Variants in ROBO2 observed in about 807,000 individuals in gnomAD.
ROBO2 encodes roundabout guidance receptor 2.
A neutral mutation model predicts 160.8 loss-of-function variants in ROBO2; 53 were observed. The observed-to-expected ratio is 0.33, with a 90% CI of 0.26 to 0.41. The LOEUF is 0.41. ROBO2 is among the 10% of genes least tolerant of loss of function. The probability of loss-of-function intolerance (pLI) is 1.00; values close to 1 mark genes in which losing one functional copy is unlikely to be tolerated. For missense variants in ROBO2, 1,577 were observed against 1,722.4 expected, an observed-to-expected ratio of 0.92 and a Z score of 1.49; for synonymous variants, 664 against 611.7, an observed-to-expected ratio of 1.09 and a Z score of -1.26.
At chr3:76,380,522 T>C (rs1024158490) in intron 2 of ROBO2, among the ~76,000 whole-genome samples, 5 of 152,154 alleles carry the variant, frequency 3.3e-5, no homozygotes, top group African/African-American at 1.2e-4. Context: ...TTCCTCCTTT[T>C]TCACCTCCTC....
intron 2 of ROBO2, among the ~76,000 whole-genome samples, chr3:77,034,718 C>T (rs367950572): frequency 1.3e-5 from 2 of 151,878 alleles, no homozygotes; most frequent in African/African-American, 4.8e-5. Flanking sequence ...TTCCTAAATC[C>T]TTGACAATCT....
At chr3:76,088,645 A>G (rs1462180624) in intron 2 of ROBO2, among the ~76,000 whole-genome samples, 1 of 152,142 alleles carries the variant, frequency 6.6e-6, no homozygotes, top group Non-Finnish European at 1.5e-5. Context: ...ATCTCAAGAG[A>G]AATTAAAAAT....
intron 2 of ROBO2, among the ~76,000 whole-genome samples, chr3:76,951,008 G>A (rs569599081): frequency 1.3e-5 from 2 of 152,298 alleles, no homozygotes; most frequent in Admixed American, 6.5e-5. Flanking sequence ...AATTACAGGC[G>A]TGAGCCCCTG....
intron 2 of ROBO2, among the ~76,000 whole-genome samples, chr3:76,411,527 T>C (rs1333975697): frequency 2.0e-5 from 3 of 152,142 alleles, no homozygotes; most frequent in Non-Finnish European, 4.4e-5. Context: ...CTGAACCTCA[T>C]TAAAGTAAAT....
At chr3:77,589,647 G>A (rs2094135042) in intron 17 of ROBO2, among the ~76,000 whole-genome samples, 1 of 152,062 alleles carries the variant, frequency 6.6e-6, no homozygotes, top group Admixed American at 6.6e-5. Context: ...GTCCTATAAT[G>A]TGGCCTTCAA....
intron 2 of ROBO2, among the ~76,000 whole-genome samples, chr3:76,168,896 A>G (rs1273546540): frequency 6.6e-6 from 1 of 151,764 alleles, no homozygotes; most frequent in Non-Finnish European, 1.5e-5. Flanking sequence ...GCACTGAGAT[A>G]TACAAATGTG....
chr3:76,586,247 T>C (rs2108777175), intron 2 of ROBO2, among the ~76,000 whole-genome samples: 1 of 152,334 alleles, frequency 6.6e-6, no homozygotes, highest in Non-Finnish European at 1.5e-5. Flanking sequence ...TAAATGGTCA[T>C]TGAGAAGTTT....
At chr3:77,164,480 GGA>G (rs1195630956) in intron 2 of ROBO2, among the ~76,000 whole-genome samples, 1 of 139,886 alleles carries the variant, frequency 7.1e-6, no homozygotes, top group African/African-American at 2.6e-5. Context: ...TGTCCGGGAG[GGA>G]GGTGGGGGGG....
At chr3:77,085,305 A>C (rs2069162375) in intron 1 of ROBO2, among the ~76,000 whole-genome samples, 1 of 152,180 alleles carries the variant, frequency 6.6e-6, no homozygotes, top group East Asian at 1.9e-4. Context: ...GCAAAATACA[A>C]CTCCAAAATT....
intron 23 of ROBO2, 79 bp from the exon 25 acceptor site, chr3:77,634,791 C>A: frequency 7.5e-7 from 1 of 1,329,182 alleles, no homozygotes; most frequent in Non-Finnish European, 1.1e-6. Flanking sequence ...ACAGGTTAGT[C>A]ATAGTGCAGA....
At chr3:77,466,839 T>A (rs1040349789) in intron 2 of ROBO2, among the ~76,000 whole-genome samples, 6 of 152,224 alleles carry the variant, frequency 3.9e-5, no homozygotes, top group African/African-American at 1.4e-4. Flanking sequence ...GTAATAATCC[T>A]TAGACTATTG....
At chr3:77,300,224 G>A in intron 2 of ROBO2, among the ~76,000 whole-genome samples, 1 of 146,428 alleles carries the variant, frequency 6.8e-6, no homozygotes, top group African/African-American at 2.5e-5. Flanking sequence ...TCAAACTCTA[G>A]ACTCTGCCTA....
At chr3:76,398,136 T>C (rs1336132618) in intron 2 of ROBO2, among the ~76,000 whole-genome samples, 2 of 152,168 alleles carry the variant, frequency 1.3e-5, no homozygotes, top group East Asian at 3.9e-4. Context: ...CATGGAATAC[T>C]ATGCAGCCAT....
intron 2 of ROBO2, among the ~76,000 whole-genome samples, chr3:76,040,804 A>G (rs2067251926): frequency 6.6e-6 from 1 of 152,040 alleles, no homozygotes; most frequent in Non-Finnish European, 1.5e-5. Context: ...CCTGGCCAAC[A>G]TGGAGAAACC....
At chr3:76,251,007 G>A (rs1395485983) in intron 2 of ROBO2, among the ~76,000 whole-genome samples, 1 of 152,018 alleles carries the variant, frequency 6.6e-6, no homozygotes, top group Non-Finnish European at 1.5e-5. Context: ...ATAACCAGCT[G>A]CAGCCTTGGC....
intron 2 of ROBO2, among the ~76,000 whole-genome samples, chr3:76,062,818 A>G (rs2068113016): frequency 6.6e-6 from 1 of 152,112 alleles, no homozygotes; most frequent in South Asian, 2.1e-4. Context: ...TGCCTTCTAG[A>G]CCACGAATTA....
chr3:77,057,153 C>G (rs1393190956), intron 1 of ROBO2, among the ~76,000 whole-genome samples: 2 of 152,084 alleles, frequency 1.3e-5, no homozygotes, highest in Non-Finnish European at 2.9e-5. Context: ...GAGTTCATGT[C>G]CTTTGTAGGG....
chr3:76,531,178 T>C (rs1291166559), intron 2 of ROBO2, among the ~76,000 whole-genome samples: 2 of 152,188 alleles, frequency 1.3e-5, no homozygotes, highest in Non-Finnish European at 2.9e-5. Flanking sequence ...TGAGACATTA[T>C]AAAAGTAATG....
chr3:76,140,680 T>C (rs1200348625), intron 2 of ROBO2, among the ~76,000 whole-genome samples: 1 of 151,806 alleles, frequency 6.6e-6, no homozygotes, highest in Non-Finnish European at 1.5e-5. Flanking sequence ...TTAAAAAGTG[T>C]GTCCAAAGTG....
Sources: allele counts gnomAD v4.1 joint callset (sites outside exome capture counted in the v4.1 genomes callset), GRCh38; gene constraint gnomAD v4.1.1; transcripts MANE v1.5; gene names NCBI Gene and HGNC (gene_info 2026-07-23, HGNC 2026-07-21).